SH3GL2: variants seen among roughly 807,000 people sequenced by gnomAD.
SH3GL2 encodes the protein SH3 domain containing GRB2 like 2, endophilin A1, also known as endophilin-A1.
In SH3GL2, 24 loss-of-function variants were observed where a neutral mutation model predicts 46.0. The ratio of observed to expected loss-of-function variants is 0.52; its 90% CI spans 0.38 to 0.73. The LOEUF is 0.73. SH3GL2 is among the 30% of genes least tolerant of loss of function. The pLI, the probability that SH3GL2 is intolerant of heterozygous loss-of-function variation, is 0.00. For missense variants in SH3GL2, 413 were observed against 424.2 expected, an observed-to-expected ratio of 0.97 and a Z score of 0.23; for synonymous variants, 196 against 147.1, an observed-to-expected ratio of 1.33 and a Z score of -2.40.
intron 1 of SH3GL2, among the ~76,000 whole-genome samples, chr9:17,746,284 G>C (rs1026196726): frequency 6.6e-6 from 1 of 152,106 alleles, no homozygotes; most frequent in African/African-American, 2.4e-5. Flanking sequence ...CACCGTGTTA[G>C]CCAGGATGGT....
intron 1 of SH3GL2, among the ~76,000 whole-genome samples, chr9:17,697,345 A>G (rs1821229332): frequency 6.6e-6 from 1 of 151,428 alleles, no homozygotes; most frequent in Non-Finnish European, 1.5e-5. Context: ...TGCCTCAGCC[A>G]CCTGAGTAGT....
chr9:17,718,421 G>A (rs763946907), intron 1 of SH3GL2, among the ~76,000 whole-genome samples: 5 of 152,146 alleles, frequency 3.3e-5, no homozygotes, highest in Non-Finnish European at 7.4e-5. Context: ...CCTGGAGACC[G>A]TGTTAAAAAT....
intron 4 of SH3GL2, among the ~76,000 whole-genome samples, 168 bp downstream of exon 4, chr9:17,786,692 C>G (rs1313133435): frequency 1.3e-5 from 2 of 152,160 alleles, no homozygotes; most frequent in East Asian, 1.9e-4. Flanking sequence ...TTCATCCGCT[C>G]TAATGTGATT....
chr9:17,727,601 TC>T (rs112593042), intron 1 of SH3GL2, among the ~76,000 whole-genome samples: 4,543 of 152,224 alleles, frequency 0.03, 84 homozygotes, highest in African/African-American at 0.047. Flanking sequence ...CTTCAGTTCT[TC>T]CTGGGGGCAG....
chr9:17,724,757 T>C (rs2118368971), intron 1 of SH3GL2, among the ~76,000 whole-genome samples: 1 of 152,310 alleles, frequency 6.6e-6, no homozygotes, highest in Admixed American at 6.5e-5. Flanking sequence ...GCTTTACTAA[T>C]TATTTGAAGA....
chr9:17,630,071 G>C (rs1819384640), intron 1 of SH3GL2, among the ~76,000 whole-genome samples: 1 of 152,142 alleles, frequency 6.6e-6, no homozygotes, highest in South Asian at 2.1e-4. Flanking sequence ...TCAAATTTAA[G>C]CTGGCCTCAG....
chr9:17,630,633 T>C (rs1819399639), intron 1 of SH3GL2, among the ~76,000 whole-genome samples: 1 of 152,210 alleles, frequency 6.6e-6, no homozygotes, highest in Non-Finnish European at 1.5e-5. Flanking sequence ...ACTTTTGTGA[T>C]GGTTACATAA....
intron 2 of SH3GL2, among the ~76,000 whole-genome samples, chr9:17,747,931 C>T (rs905426195): frequency 6.6e-6 from 1 of 152,152 alleles, no homozygotes; most frequent in Non-Finnish European, 1.5e-5. Context: ...GCCTCAGCCT[C>T]CCAAAGTGCT....
chr9:17,758,142 T>G (rs1324777529), intron 2 of SH3GL2, among the ~76,000 whole-genome samples: 4 of 152,178 alleles, frequency 2.6e-5, no homozygotes, highest in African/African-American at 9.6e-5. Flanking sequence ...CATAACACAC[T>G]TAAAGAGCTC....
chr9:17,778,431 C>T (rs183429980), intron 3 of SH3GL2, among the ~76,000 whole-genome samples: 11 of 152,008 alleles, frequency 7.2e-5, no homozygotes, highest in East Asian at 1.9e-4. Context: ...AGAGAGTGAC[C>T]GGGTCCAGGA....
intron 7 of SH3GL2, among the ~76,000 whole-genome samples, chr9:17,792,405 G>C (rs367585629): frequency 1.6e-3 from 237 of 152,240 alleles, no homozygotes; most frequent in African/African-American, 5.3e-3. Flanking sequence ...TATGTTCAAA[G>C]TCAGTATCAT....
intron 1 of SH3GL2, among the ~76,000 whole-genome samples, chr9:17,737,800 G>C (rs1822386049): frequency 6.6e-6 from 1 of 152,092 alleles, no homozygotes; most frequent in African/African-American, 2.4e-5. Context: ...TCCCTGAGCA[G>C]TCGCCTTTGA....
rs202052492 is a variant in SH3GL2, at chr9:17,685,871, C to T, written c.46-61195C>T. On this transcript the variant is annotated intron_variant, in intron 1 of 8. Coordinates refer to ENST00000380607, the MANE Select transcript of SH3GL2 (RefSeq NM_003026.5). ...TGTAGCCTTGTAGTATAGTTCAGGA[C>T]GTAGGCATGGGCAAGGACTTCATGT... 1.2e-4 allele frequency among the ~76,000 whole-genome samples: 19 copies of T among 152,138 alleles called. No homozygotes were observed. The East Asian group carries it at 3.1e-3, about 25-fold the overall frequency.
intron 2 of SH3GL2, among the ~76,000 whole-genome samples, chr9:17,747,622 G>T (rs572408108): frequency 6.6e-6 from 1 of 152,220 alleles, no homozygotes; most frequent in East Asian, 1.9e-4. Context: ...CCTGCCATGT[G>T]TCACAAAAGT....
rs1436651134 is a variant in SH3GL2 at position 17,614,997 on chromosome 9, A to G, written c.45+35710A>G. On this transcript the variant is annotated intron_variant, in intron 1 of 8. Coordinates refer to ENST00000380607, the MANE Select transcript of SH3GL2 (RefSeq NM_003026.5). ...CAACCACAGAGGTGCCCAGATGCCA[A>G]TGACACCCTGACTAGAGTGAGCATG... is the stretch of plus-strand genomic sequence containing the variant. 3.9e-5 allele frequency among the ~76,000 whole-genome samples: 6 copies of G among 152,178 alleles called. No individual in the cohort carries two copies. In the South Asian group the frequency reaches 1.0e-3, roughly 26 times the overall value.
rs1823349068 is a variant in SH3GL2, at chr9:17,767,528, C to T, written c.187+6019C>T. Among the ~76,000 whole-genome samples, 9 of 152,208 alleles carry T rather than the reference C, an allele frequency of 5.9e-5. No individual in the cohort carries two copies. The South Asian group carries it at 1.7e-3, about 28-fold the overall frequency. ...TGTAGACAAATCCTTGGTCTCACAA[C>T]ACACTGAATTTACTGTTTTTTCCTG... On this transcript the variant is annotated intron_variant, in intron 3 of 8. Coordinates refer to ENST00000380607, the MANE Select transcript of SH3GL2 (RefSeq NM_003026.5).
At chr9:17,732,388 A>G (rs1034558699) in intron 1 of SH3GL2, among the ~76,000 whole-genome samples, 13 of 152,210 alleles carry the variant, frequency 8.5e-5, no homozygotes, top group African/African-American at 2.9e-4. Context: ...GGATAAGCAG[A>G]TCAAATTAGT....
chr9:17,610,428 G>C (rs900179908), intron 1 of SH3GL2, among the ~76,000 whole-genome samples: 4 of 152,266 alleles, frequency 2.6e-5, no homozygotes, highest in Middle Eastern at 6.8e-3. Flanking sequence ...TTCTCAAAGA[G>C]TATACAATTT....
intron 1 of SH3GL2, among the ~76,000 whole-genome samples, chr9:17,722,935 C>T (rs775291107): frequency 6.6e-6 from 1 of 152,120 alleles, no homozygotes; most frequent in African/African-American, 2.4e-5. Context: ...CACTGCTGAT[C>T]CTTTCTCTCA....
Sources: gnomAD v4.1 joint callset for allele counts (sites outside exome capture counted in the v4.1 genomes callset) on GRCh38, gnomAD v4.1.1 for gene constraint, MANE v1.5 for transcripts, NCBI Gene and HGNC (gene_info 2026-07-23, HGNC 2026-07-21) for gene names.